The following MDGA2 variants were observed in gnomAD, a reference collection of about 807,000 sequenced individuals.
The protein encoded by MDGA2 is MAM domain containing glycosylphosphatidylinositol anchor 2, also known as MAM domain-containing glycosylphosphatidylinositol anchor protein 2.
Under a neutral mutation model 117.8 loss-of-function variants are expected in MDGA2, and 40 were observed. That is an observed-to-expected ratio of 0.34 (90% CI 0.26 to 0.44). The LOEUF (loss-of-function observed/expected upper bound fraction) is 0.44. Among genes scored for constraint, MDGA2 ranks in the 20% least tolerant of loss-of-function variants. The pLI is 1.00. For missense variants in MDGA2, 1,123 were observed against 1,250.6 expected, an observed-to-expected ratio of 0.90 and a Z score of 1.54; for synonymous variants, 452 against 439.0, an observed-to-expected ratio of 1.03 and a Z score of -0.37.
At chr14:47,451,264 AC>A (rs1244308575) in intron 1 of MDGA2, among the ~76,000 whole-genome samples, 9 of 152,154 alleles carry the variant, frequency 5.9e-5, no homozygotes, top group Non-Finnish European at 1.0e-4. Flanking sequence ...CTTTAAGAAT[AC>A]CCAAAGAAGG....
intron 3 of MDGA2, among the ~76,000 whole-genome samples, chr14:47,178,321 A>C (rs1416601829): frequency 2.0e-5 from 3 of 152,146 alleles, no homozygotes; most frequent in Non-Finnish European, 4.4e-5. Context: ...AAAGCATTCA[A>C]GAGCATCTCT....
chr14:47,064,082 C>G (rs1054570948), intron 6 of MDGA2, among the ~76,000 whole-genome samples: 3 of 151,336 alleles, frequency 2.0e-5, no homozygotes, highest in African/African-American at 7.3e-5. Context: ...CTTTAAAACC[C>G]AAAGAAAAAA....
chr14:47,156,206 C>T (rs985486711), intron 3 of MDGA2, among the ~76,000 whole-genome samples: 6 of 151,974 alleles, frequency 3.9e-5, no homozygotes, highest in Non-Finnish European at 8.8e-5. Context: ...TCACACCTGG[C>T]CAAGATTTAT....
Position 47,053,635 on chromosome 14 carries a change from A to G in MDGA2, c.1525+7614T>C, listed in dbSNP as rs1485911605. ...TATATATATATATATATATATATAT[A>G]TATATATATATATATATATACACAC... On this transcript the variant is annotated intron_variant, in intron 7 of 16. Transcript: ENST00000399232. 9.9e-5 allele frequency among the ~76,000 whole-genome samples: 9 copies of G among 91,120 alleles called. 1 individual carries two copies. Among genetic ancestry groups the G allele is most frequent in the Non-Finnish European group, 1.4e-4 (6 of 44,384 alleles). The allele number at this position is 91,120 out of a possible 152,430, so 59.8% of individuals were successfully genotyped here. A position where few individuals can be genotyped will look rare whatever the true frequency, so the allele number is the denominator to read the frequency against.
At chr14:47,190,413 G>A (rs1489671575) in intron 3 of MDGA2, among the ~76,000 whole-genome samples, 1 of 152,152 alleles carries the variant, frequency 6.6e-6, no homozygotes, top group African/African-American at 2.4e-5. Flanking sequence ...TAAACACATT[G>A]ACCTTCAAGG....
At chr14:46,840,044 T>C (rs113309555), downstream of MDGA2, 10 of 152,558 alleles carry the variant, frequency 6.6e-5, 1 homozygote, top group African/African-American at 2.2e-4. Context: ...CTAATTTCAT[T>C]TTAGTGATAA....
intron 1 of MDGA2, among the ~76,000 whole-genome samples, chr14:47,501,610 C>T (rs1894401575): frequency 1.3e-5 from 2 of 152,020 alleles, no homozygotes; most frequent in Admixed American, 6.6e-5. Context: ...GTCAATTAAC[C>T]TCAAGTTAAA....
chr14:47,177,597 C>G (rs1049515729), intron 3 of MDGA2, among the ~76,000 whole-genome samples: 1 of 152,020 alleles, frequency 6.6e-6, no homozygotes, highest in African/African-American at 2.4e-5. Flanking sequence ...GGGAATTGAA[C>G]AATGAGAACA....
intron 1 of MDGA2, among the ~76,000 whole-genome samples, chr14:47,390,682 G>C (rs543764131): frequency 6.6e-5 from 10 of 152,264 alleles, no homozygotes; most frequent in Non-Finnish European, 1.0e-4. Context: ...GGATTTCTGT[G>C]ATGCAGGTTA....
At chr14:47,617,101 C>G (rs1053331941) in intron 1 of MDGA2, among the ~76,000 whole-genome samples, 1 of 152,108 alleles carries the variant, frequency 6.6e-6, no homozygotes, top group African/African-American at 2.4e-5. Flanking sequence ...GGATTCAACT[C>G]ATATGCCTAC....
At chr14:47,012,832 A>G (rs1015773855) in intron 8 of MDGA2, among the ~76,000 whole-genome samples, 45 of 152,112 alleles carry the variant, frequency 3.0e-4, no homozygotes, top group African/African-American at 1.0e-3. Flanking sequence ...GCAAGCCACG[A>G]ATTTTTTTGG....
chr14:47,149,670 T>A (rs945890370), intron 3 of MDGA2, among the ~76,000 whole-genome samples: 3 of 152,244 alleles, frequency 2.0e-5, no homozygotes, highest in Non-Finnish European at 4.4e-5. Flanking sequence ...TGGGCATTTA[T>A]ACTTTATTTA....
intron 1 of MDGA2, among the ~76,000 whole-genome samples, chr14:47,472,135 C>A (rs1893741093): frequency 2.6e-5 from 4 of 152,102 alleles, no homozygotes; most frequent in Non-Finnish European, 5.9e-5. Flanking sequence ...TACCCCAGCA[C>A]AATTAATTCA....
intron 2 of MDGA2, among the ~76,000 whole-genome samples, chr14:47,294,884 T>A (rs1033445753): frequency 2.0e-5 from 3 of 152,166 alleles, no homozygotes; most frequent in African/African-American, 7.2e-5. Flanking sequence ...GCATAGAAGA[T>A]TAACAAGGAC....
chr14:47,280,991 ATATAT>A (rs940516936), intron 2 of MDGA2, among the ~76,000 whole-genome samples: 7 of 147,710 alleles, frequency 4.7e-5, no homozygotes, highest in Non-Finnish European at 8.9e-5. Flanking sequence ...TATATAATTA[ATATAT>A]TATATATGGT....
At chr14:47,628,485 C>T (rs1897192750) in intron 1 of MDGA2, among the ~76,000 whole-genome samples, 3 of 152,056 alleles carry the variant, frequency 2.0e-5, no homozygotes, top group Admixed American at 1.3e-4. Context: ...TTATTCTTGA[C>T]GAATTGTGAT....
intron 7 of MDGA2, chr14:47,059,221 C>A: frequency 1.1e-6 from 1 of 940,206 alleles, no homozygotes. Context: ...ATTGTTTCGG[C>A]TATTGAGATT....
At chr14:47,191,125 CAT>C (rs1034648426) in intron 3 of MDGA2, among the ~76,000 whole-genome samples, 1 of 151,898 alleles carries the variant, frequency 6.6e-6, no homozygotes, top group African/African-American at 2.4e-5. Context: ...GCCACTCTAA[CAT>C]ATATATACAT....
intron 10 of MDGA2, among the ~76,000 whole-genome samples, chr14:46,906,113 ACT>A (rs1397298908): frequency 5.3e-5 from 8 of 151,978 alleles, no homozygotes; most frequent in African/African-American, 1.7e-4. Context: ...ATATTAAGCC[ACT>A]CTGTGCTAGA....
Sources: allele counts gnomAD v4.1 joint callset (sites outside exome capture counted in the v4.1 genomes callset), GRCh38; gene constraint gnomAD v4.1.1; transcripts MANE v1.5; gene names NCBI Gene and HGNC (gene_info 2026-07-23, HGNC 2026-07-21).